NT5DC1: variants seen among roughly 807,000 people sequenced by gnomAD.
NT5DC1 encodes the protein 5'-nucleotidase domain-containing protein 1.
NT5DC1 carries 42 observed loss-of-function variants against 59.4 expected under a neutral mutation model. That is an observed-to-expected ratio of 0.71 (90% CI 0.55 to 0.92). The LOEUF is 0.92. NT5DC1 is among the 40% of genes least tolerant of loss of function. NT5DC1 has a pLI of 0.00. For synonymous variants in NT5DC1, 172 were observed against 188.1 expected, an observed-to-expected ratio of 0.91 and a Z score of 0.70; for missense variants, 501 against 537.1, an observed-to-expected ratio of 0.93 and a Z score of 0.66.
rs530173298 is a variant in NT5DC1 at position 116,158,370 on chromosome 6, G to GA, written c.529+40435dup. 5.7e-3 allele frequency among the ~76,000 whole-genome samples: 836 copies of GA among 146,044 alleles called. 17 individuals carry two copies. Among genetic ancestry groups the GA allele is most frequent in the South Asian group, 0.048 (221 of 4,642 alleles). ...CTACTCAAGCTTCTCTTCAAATCCA[G>GA]AAAAAAAAAAGTATTGAGTTTATAA... On this transcript the variant is annotated intron_variant, in intron 6 of 11. Transcript: ENST00000319550.
intron 6 of NT5DC1, among the ~76,000 whole-genome samples, chr6:116,185,824 A>G (rs898999038): frequency 2.6e-5 from 4 of 152,098 alleles, no homozygotes; most frequent in African/African-American, 9.7e-5. Flanking sequence ...CCATTCTGTC[A>G]TTCTGTATCT....
intron 6 of NT5DC1, among the ~76,000 whole-genome samples, chr6:116,123,478 C>A (rs1043868856): frequency 3.9e-5 from 6 of 152,204 alleles, no homozygotes; most frequent in African/African-American, 1.4e-4. Context: ...AAACTGAAAT[C>A]GTGATTGGTT....
At chr6:116,134,595 C>G (rs1779543950) in intron 6 of NT5DC1, among the ~76,000 whole-genome samples, 1 of 152,130 alleles carries the variant, frequency 6.6e-6, no homozygotes, top group Non-Finnish European at 1.5e-5. Context: ...TTGTGGATGC[C>G]CAGGGATAGG....
chr6:116,206,738 G>A (rs1325520282), intron 6 of NT5DC1, among the ~76,000 whole-genome samples: 1 of 151,896 alleles, frequency 6.6e-6, no homozygotes, highest in Non-Finnish European at 1.5e-5. Context: ...GTTTTAAATG[G>A]ATTTTATATC....
intron 11 of NT5DC1, among the ~76,000 whole-genome samples, chr6:116,241,050 A>G (rs1327012041): frequency 1.3e-5 from 2 of 151,676 alleles, no homozygotes; most frequent in East Asian, 1.9e-4. Context: ...AGGTTGAGGC[A>G]GGAGAATTGC....
chr6:116,226,110 A>G (rs1781904095), intron 8 of NT5DC1, among the ~76,000 whole-genome samples: 1 of 152,226 alleles, frequency 6.6e-6, no homozygotes, highest in Non-Finnish European at 1.5e-5. Flanking sequence ...GTCTTATATA[A>G]TAAAATCCTT....
intron 6 of NT5DC1, among the ~76,000 whole-genome samples, chr6:116,205,673 T>C (rs1781437268): frequency 6.6e-6 from 1 of 152,036 alleles, no homozygotes; most frequent in Non-Finnish European, 1.5e-5. Context: ...GTAGTTTCCG[T>C]CTTTATTCTG....
chr6:116,247,783 C>G lies in NT5DC1; in HGVS notation c.*3759C>G, dbSNP rs1771877172. On this transcript the variant is annotated 3_prime_UTR_variant, in exon 12 of 12. Transcript: ENST00000319550. The stretch of plus-strand genomic sequence containing the variant: ...AATTACTATCTAAATGTGTTAAAAG[C>G]AATCACCAAGTTTAATCACTTAAAA... 6.6e-6 allele frequency: 1 copy of G among 151,692 alleles called. No homozygotes were observed. Among genetic ancestry groups the G allele is most frequent in the Non-Finnish European group, 1.5e-5 (1 of 67,916 alleles). The allele number at this position is 151,692 out of a possible 1,614,324, so 9.4% of individuals were successfully genotyped here. A position where few individuals can be genotyped will look rare whatever the true frequency, so the allele number is the denominator to read the frequency against.
intron 8 of NT5DC1, among the ~76,000 whole-genome samples, chr6:116,223,796 A>T (rs1781857015): frequency 6.6e-6 from 1 of 152,250 alleles, no homozygotes; most frequent in Admixed American, 6.5e-5. Flanking sequence ...ATGATATATT[A>T]ACATTTGAGG....
chr6:116,178,080 TGTGTGTGTGCGCGCGC>T (rs1247104263), intron 6 of NT5DC1, among the ~76,000 whole-genome samples: 2 of 108,986 alleles, frequency 1.8e-5, no homozygotes, highest in African/African-American at 8.9e-5. Context: ...TGTGTGTGTG[TGTGTGTGTGCGCGCGC>T]GCGCGCGTGC....
intron 6 of NT5DC1, among the ~76,000 whole-genome samples, chr6:116,196,763 ACT>A (rs914589372): frequency 2.0e-5 from 3 of 151,156 alleles, no homozygotes; most frequent in African/African-American, 7.3e-5. Context: ...ATGCTGGCTC[ACT>A]CTCTCCACCT....
intron 6 of NT5DC1, among the ~76,000 whole-genome samples, chr6:116,143,508 G>A (rs950736870): frequency 1.3e-5 from 2 of 152,048 alleles, no homozygotes; most frequent in African/African-American, 4.8e-5. Flanking sequence ...CACTGTGCCC[G>A]GCCTTTCCCA....
intron 6 of NT5DC1, among the ~76,000 whole-genome samples, chr6:116,136,160 G>T (rs1779596102): frequency 6.6e-6 from 1 of 151,848 alleles, no homozygotes; most frequent in African/African-American, 2.4e-5. Flanking sequence ...ACTTTTTTAG[G>T]TTACACGTAT....
rs1771829375 is a variant in NT5DC1, at chr6:116,245,465, AAAAC to A, written c.*1449_*1452del. 4 of 151,484 alleles carry A rather than the reference AAAAC, an allele frequency of 2.6e-5. No individual in the cohort carries two copies. The highest frequency in any genetic ancestry group is 7.2e-5 in the African/African-American group (3 of 41,504). The allele number at this position is 151,484 out of a possible 1,614,324, so 9.4% of individuals were successfully genotyped here. Reference sequence around the variant, plus strand: ...TGAGTATCTCAGGGTAAGTAACAAAAAAACAAACAAAAAAAATCACTGAAATTTT... The same window carrying A: ...TGAGTATCTCAGGGTAAGTAACAAAAAAACAAAAAAAATCACTGAAATTTT... On this transcript the variant is annotated 3_prime_UTR_variant, in exon 12 of 12. Coordinates refer to ENST00000319550, the MANE Select transcript of NT5DC1 (RefSeq NM_152729.3).
At chr6:116,116,206 A>T (rs1195142131) in intron 5 of NT5DC1, among the ~76,000 whole-genome samples, 2 of 152,240 alleles carry the variant, frequency 1.3e-5, no homozygotes, top group East Asian at 3.8e-4. Flanking sequence ...TCATTTAATG[A>T]ATATAAATTT....
At chr6:116,220,844 T>C (rs59648240) in intron 6 of NT5DC1, among the ~76,000 whole-genome samples, 6,065 of 152,342 alleles carry the variant, frequency 0.04, 184 homozygotes, top group African/African-American at 0.08. Context: ...GCGAATATTA[T>C]CAACTAACAT....
At chr6:116,177,803 C>T (rs1263053311) in intron 6 of NT5DC1, among the ~76,000 whole-genome samples, 1 of 152,078 alleles carries the variant, frequency 6.6e-6, no homozygotes, top group Non-Finnish European at 1.5e-5. Context: ...ATTAAAGCAT[C>T]CCATTTGTTT....
intron 6 of NT5DC1, among the ~76,000 whole-genome samples, chr6:116,162,968 A>G (rs2114431399): frequency 6.6e-6 from 1 of 151,844 alleles, no homozygotes; most frequent in Non-Finnish European, 1.5e-5. Context: ...TCTACTAAAT[A>G]TACAAAAAAT....
intron 6 of NT5DC1, among the ~76,000 whole-genome samples, chr6:116,212,444 T>C (rs1220357085): frequency 1.3e-5 from 2 of 152,126 alleles, no homozygotes; most frequent in Non-Finnish European, 2.9e-5. Context: ...CAAGTAATCC[T>C]TTGTGATTAT....
Sources: allele counts gnomAD v4.1 joint callset (sites outside exome capture counted in the v4.1 genomes callset), GRCh38; gene constraint gnomAD v4.1.1; transcripts MANE v1.5; gene names NCBI Gene and HGNC (gene_info 2026-07-23, HGNC 2026-07-21).